The following AFF2 variants were observed in gnomAD, a reference collection of about 807,000 sequenced individuals.
AFF2 encodes the protein AF4/FMR2 family member 2.
In AFF2, 14 loss-of-function variants were observed where a neutral mutation model predicts 76.9. That is an observed-to-expected ratio of 0.18 (90% confidence interval 0.12 to 0.28). The LOEUF (loss-of-function observed/expected upper bound fraction) is 0.28. AFF2 is among the 10% of genes least tolerant of loss of function. The pLI is 1.00. For synonymous variants in AFF2, 398 were observed against 366.7 expected (o/e 1.09, Z -0.98); for missense variants, 868 against 1,001.1 (o/e 0.87, Z 1.79).
chrX:148,501,288 G>A, intron 1 of AFF2, 144 bp downstream of exon 1: 2 of 768,843 alleles, frequency 2.6e-6, no homozygotes, highest in Non-Finnish European at 3.8e-6. Context: ...CTCTGGCCCC[G>A]GCCGCGCTGA....
rs1386777613 is a variant in AFF2 at position 148,998,281 on chromosome X, C to T, written c.*6949C>T. 1 of 112,102 alleles carries T rather than the reference C, an allele frequency of 8.9e-6. No individual in the cohort carries two copies. The highest frequency in any genetic ancestry group is 1.9e-5 in the Non-Finnish European group (1 of 53,197). 9.2% of individuals were successfully genotyped at this position (112,102 alleles called of 1,213,427 possible). A position where few individuals can be genotyped will look rare whatever the true frequency, so the allele number is the denominator to read the frequency against. On this transcript the variant is annotated 3_prime_UTR_variant, in exon 21 of 21. Coordinates refer to ENST00000370460, the MANE Select transcript of AFF2 (RefSeq NM_002025.4). ...GTTGTTGTTACTTGTCTCTCTCTCT[C>T]TCTGGCTCTGGCTTTTGCTTTCCTG...
At chrX:148,757,706 CTCT>C (rs1557266989) in intron 3 of AFF2, among the ~76,000 whole-genome samples, 1 of 111,874 alleles carries the variant, frequency 8.9e-6, no homozygotes, top group African/African-American at 3.2e-5. Context: ...CCAATCTTTA[CTCT>C]TCTTTGCCAA....
intron 1 of AFF2, among the ~76,000 whole-genome samples, chrX:148,598,960 G>A (rs1294729684): frequency 8.9e-6 from 1 of 112,270 alleles, no homozygotes; most frequent in Non-Finnish European, 1.9e-5. Context: ...TCTCAAAAGT[G>A]GTTTCTTTAA....
At chrX:148,728,086 C>A (rs1357609043) in intron 3 of AFF2, among the ~76,000 whole-genome samples, 1 of 112,279 alleles carries the variant, frequency 8.9e-6, no homozygotes. Context: ...ATTGACTGTA[C>A]ATAACTAGCT....
chrX:148,773,690 GAAA>G (rs2069622954), intron 3 of AFF2, among the ~76,000 whole-genome samples: 54 of 56,985 alleles, frequency 9.5e-4, no homozygotes, highest in African/African-American at 3.8e-3. Flanking sequence ...AGGAAGGAAA[GAAA>G]GAAAGAAAGA....
chrX:148,878,325 G>A lies in AFF2; in HGVS notation c.1263-7564G>A, dbSNP rs2071057745. The stretch of plus-strand genomic sequence containing the variant: ...TTAGGATCATCAGTGTCCAAATTCA[G>A]TTGACTCCAATTCTGAAATGTCTCT... On this transcript the variant is annotated intron_variant, in intron 7 of 20. Transcript: ENST00000370460. 3.6e-5 allele frequency among the ~76,000 whole-genome samples: 4 copies of A among 111,767 alleles called. No homozygotes were observed. The Admixed American group carries it at 3.8e-4, about 11-fold the overall frequency.
At chrX:148,631,210 T>C (rs1273201407) in intron 1 of AFF2, among the ~76,000 whole-genome samples, 4 of 111,866 alleles carry the variant, frequency 3.6e-5, no homozygotes, top group Non-Finnish European at 7.5e-5. Flanking sequence ...AGAGAAGATA[T>C]AGCCCAAATG....
intron 8 of AFF2, among the ~76,000 whole-genome samples, chrX:148,901,933 G>A (rs1557280940): frequency 8.9e-6 from 1 of 111,948 alleles, no homozygotes; most frequent in African/African-American, 3.2e-5. Flanking sequence ...GACTAGAGCT[G>A]TTGGGACATC....
intron 1 of AFF2, among the ~76,000 whole-genome samples, chrX:148,618,118 T>C (rs1452588685): frequency 1.8e-5 from 2 of 111,899 alleles, no homozygotes; most frequent in African/African-American, 6.5e-5. Context: ...ACCTGAATTA[T>C]GTTATTTCTG....
At chrX:148,703,999 G>C (rs185738354) in intron 3 of AFF2, among the ~76,000 whole-genome samples, 1 of 106,884 alleles carries the variant, frequency 9.4e-6, no homozygotes, top group Non-Finnish European at 1.9e-5. Flanking sequence ...GGGCTCAAAT[G>C]ATCCTTGCAC....
At chrX:148,744,172 T>C (rs1325030264) in intron 3 of AFF2, among the ~76,000 whole-genome samples, 1 of 111,011 alleles carries the variant, frequency 9.0e-6, no homozygotes, top group Non-Finnish European at 1.9e-5. Flanking sequence ...ATGCTCACAA[T>C]AGGCCTGTGA....
intron 1 of AFF2, among the ~76,000 whole-genome samples, chrX:148,549,465 C>A (rs2052965371): frequency 8.9e-6 from 1 of 111,831 alleles, no homozygotes; most frequent in Non-Finnish European, 1.9e-5. Flanking sequence ...GTTATTAATT[C>A]TTCCCTCAGT....
intron 1 of AFF2, among the ~76,000 whole-genome samples, chrX:148,622,000 A>G (rs1433293248): frequency 8.9e-6 from 1 of 112,461 alleles, no homozygotes; most frequent in Non-Finnish European, 1.9e-5. Flanking sequence ...TTACTTTAAC[A>G]TTGTCAATTG....
intron 9 of AFF2, among the ~76,000 whole-genome samples, chrX:148,953,284 C>A (rs1054272630): frequency 3.6e-4 from 40 of 111,941 alleles, no homozygotes; most frequent in African/African-American, 1.2e-3. Context: ...AGAAGGCATG[C>A]AAACTTGGCT....
chrX:148,581,120 C>T (rs1254994494), intron 1 of AFF2, among the ~76,000 whole-genome samples: 7 of 39,717 alleles, frequency 1.8e-4, no homozygotes, highest in Admixed American at 3.7e-4. Flanking sequence ...TACGTATACA[C>T]ACATATACGT....
intron 9 of AFF2, among the ~76,000 whole-genome samples, chrX:148,952,298 G>A (rs1028273830): frequency 1.8e-5 from 2 of 111,868 alleles, no homozygotes; most frequent in Admixed American, 1.9e-4. Context: ...TGAACATGGG[G>A]CCACAGGACC....
At chrX:148,541,913 A>G (rs2052861633) in intron 1 of AFF2, among the ~76,000 whole-genome samples, 1 of 107,105 alleles carries the variant, frequency 9.3e-6, no homozygotes, top group South Asian at 4.3e-4. Flanking sequence ...AGGCTAAAAT[A>G]ACCTGAGGGA....
chrX:148,587,333 A>G (rs1485968403), intron 1 of AFF2, among the ~76,000 whole-genome samples: 2 of 112,287 alleles, frequency 1.8e-5, no homozygotes, highest in East Asian at 5.5e-4. Context: ...TGAATGACCA[A>G]TGGGAAATTA....
chrX:148,647,253 A>G (rs1210641403), intron 1 of AFF2, among the ~76,000 whole-genome samples: 1 of 112,613 alleles, frequency 8.9e-6, no homozygotes, highest in Non-Finnish European at 1.9e-5. Context: ...ACTGGAAAAC[A>G]AGTGAGGCTG....
Sources: allele counts gnomAD v4.1 joint callset (sites outside exome capture counted in the v4.1 genomes callset), GRCh38; gene constraint gnomAD v4.1.1; transcripts MANE v1.5; gene names NCBI Gene and HGNC (gene_info 2026-07-23, HGNC 2026-07-21).